Variants in TACC2 observed in about 807,000 individuals in gnomAD.
The protein encoded by TACC2 is transforming acidic coiled-coil-containing protein 2.
Under a neutral mutation model 227.3 loss-of-function variants are expected in TACC2, and 137 were observed. The observed-to-expected ratio is 0.60, with a 90% CI of 0.52 to 0.69. The LOEUF (loss-of-function observed/expected upper bound fraction) is 0.69, where lower values mean the gene tolerates loss of function less well. Among genes scored for constraint, TACC2 ranks in the 30% least tolerant of loss-of-function variants. The probability of loss-of-function intolerance (pLI) is 0.00; values close to 1 mark genes in which losing one functional copy is unlikely to be tolerated. For missense variants in TACC2, 3,470 were observed against 3,694.4 expected, an observed-to-expected ratio of 0.94 and a Z score of 1.57; for synonymous variants, 1,523 against 1,487.5, an observed-to-expected ratio of 1.02 and a Z score of -0.55.
rs749926931 is a variant in TACC2 at position 122,086,657 on chromosome 10, A to G, written c.4157A>G (p.Gln1386Arg). The G allele has an allele frequency of 6.2e-7, 1 of 1,609,948 alleles. No individual in the cohort carries two copies. Among genetic ancestry groups the G allele is most frequent in the Admixed American group, 1.7e-5 (1 of 59,832 alleles). ...GGAGAGCCTTCCCAGGACCCAAAGCAGGGCACATCAGGTGGTGTGGACACA... is the reference window on the plus strand; with the variant it reads ...GGAGAGCCTTCCCAGGACCCAAAGCGGGGCACATCAGGTGGTGTGGACACA... ...RMGEPSQDPK[Q>R]GTSGGVDTSS... is the part of the protein sequence containing the mutation. The change falls in exon 4 of 23, where the codon CAG becomes CGG. Residue 1386 changes from glutamine (Q) to arginine (R), a missense_variant. Gln to Arg is a conservative substitution (Grantham distance 43). Around this residue, in one of 10 missense-constraint regions of TACC2, gnomAD observed 1,924 missense variants for 1,978.3 expected, o/e 0.97. Transcript: ENST00000369005.
rs371332642 is a variant in TACC2 at position 122,086,374 on chromosome 10, G to A, written c.3874G>A (p.Ala1292Thr). ...ASLKLFAGSLAPLLQPGAAGG... is the reference protein window; with the variant it reads ...ASLKLFAGSLTPLLQPGAAGG... ...CTTGAAGCTGTTTGCTGGCTCCCTC[G>A]CCCCCCTGTTGCAACCAGGAGCTGC... Residue 1292 changes from alanine (A) to threonine (T), a missense_variant, in exon 4 of 23, where the codon GCC (alanine) becomes ACC (threonine). Coordinates refer to ENST00000369005, the MANE Select transcript of TACC2 (RefSeq NM_206862.4). 1.1e-5 allele frequency: 17 copies of A among 1,613,406 alleles called. No homozygotes were observed. The highest frequency in any genetic ancestry group is 1.6e-4 in the Middle Eastern group (1 of 6,084).
At chr10:122,114,281 A>G (rs2084221980) in intron 5 of TACC2, among the ~76,000 whole-genome samples, 1 of 152,176 alleles carries the variant, frequency 6.6e-6, no homozygotes, top group Non-Finnish European at 1.5e-5. Flanking sequence ...TATTGAGGCC[A>G]CATTTTAAAA....
intron 5 of TACC2, among the ~76,000 whole-genome samples, chr10:122,101,009 T>G (rs956929531): frequency 1.4e-4 from 21 of 152,146 alleles, no homozygotes; most frequent in African/African-American, 4.8e-4. Flanking sequence ...GGAGTACCCC[T>G]ACCTCCCACC....
At chr10:122,223,579 T>A (rs1265458599) in intron 11 of TACC2, among the ~76,000 whole-genome samples, 2 of 152,192 alleles carry the variant, frequency 1.3e-5, no homozygotes, top group Admixed American at 1.3e-4. Flanking sequence ...GATTTAGAGA[T>A]TCCTGAAAGA....
intron 10 of TACC2, among the ~76,000 whole-genome samples, chr10:122,215,975 A>G (rs2095395958): frequency 6.6e-6 from 1 of 152,200 alleles, no homozygotes. Flanking sequence ...GACCAAGGAA[A>G]GTTATCGTCA....
chr10:122,232,113 G>A (rs2095764159), intron 16 of TACC2, among the ~76,000 whole-genome samples: 1 of 152,242 alleles, frequency 6.6e-6, no homozygotes, highest in Admixed American at 6.5e-5. Flanking sequence ...ACAGATTGGG[G>A]ATGTCCTCGT....
chr10:122,237,553 G>T lies in TACC2; in HGVS notation c.8271+15G>T, dbSNP rs2095880653. 1 of 1,605,160 alleles carries T rather than the reference G, an allele frequency of 6.2e-7. No homozygotes were observed. Among genetic ancestry groups the T allele is most frequent in the Non-Finnish European group, 8.5e-7 (1 of 1,174,676 alleles). Reference sequence around the variant, plus strand: ...CCAGAGCAGAGGTATCGTGGCATGTGGTGTAATTACCCTCTTCCTGCCACT... The same window carrying T: ...CCAGAGCAGAGGTATCGTGGCATGTTGTGTAATTACCCTCTTCCTGCCACT... On this transcript the variant is annotated intron_variant, in intron 17 of 22. Coordinates refer to ENST00000369005, the MANE Select transcript of TACC2 (RefSeq NM_206862.4).
Position 122,194,501 on chromosome 10 carries a change from A to T in TACC2, c.5835-539A>T, listed in dbSNP as rs1418822130. Among the ~76,000 whole-genome samples the T allele has an allele frequency of 2.0e-5, 3 of 152,106 alleles. No homozygotes were observed. Among genetic ancestry groups the T allele is most frequent in the African/African-American group, 7.2e-5 (3 of 41,392 alleles). On this transcript the variant is annotated intron_variant, in intron 7 of 22. Transcript: ENST00000369005. The surrounding 1 kb of genome is among the most constrained non-coding windows in gnomAD (Gnocchi z 4.4). The stretch of plus-strand genomic sequence containing the variant: ...AACACATGTTCATTCCCGGCCCTCC[A>T]CTGTAGGCTTGGAGATACTGTGATA...
At chr10:122,147,330 A>T (rs920792040) in intron 7 of TACC2, among the ~76,000 whole-genome samples, 5 of 152,090 alleles carry the variant, frequency 3.3e-5, no homozygotes, top group Non-Finnish European at 5.9e-5. Context: ...TTTTTAGTGG[A>T]GTCAAGGTTT....
intron 3 of TACC2, among the ~76,000 whole-genome samples, chr10:122,058,598 G>A (rs1033386471): frequency 1.3e-5 from 2 of 152,044 alleles, no homozygotes; most frequent in Non-Finnish European, 2.9e-5. Context: ...TAGTAGAGAC[G>A]GGGTTTCACC....
rs139604387 is a variant in TACC2, at chr10:122,121,200, A to T, written c.5574-11409A>T. On this transcript the variant is annotated intron_variant, in intron 5 of 22. Coordinates refer to ENST00000369005, the MANE Select transcript of TACC2 (RefSeq NM_206862.4). Reference sequence around the variant, plus strand: ...AGGGTCATGTGTACTTTGAAACAGTACATTCTGTATTTTGTGTTTGGGAAA... The same window carrying T: ...AGGGTCATGTGTACTTTGAAACAGTTCATTCTGTATTTTGTGTTTGGGAAA... Among the ~76,000 whole-genome samples, 319 of 152,286 alleles carry T rather than the reference A, an allele frequency of 2.1e-3. 1 individual carries two copies. Among genetic ancestry groups the T allele is most frequent in the African/African-American group, 7.1e-3 (297 of 41,566 alleles).
intron 1 of TACC2, among the ~76,000 whole-genome samples, chr10:122,003,527 T>G (rs769620872): frequency 1.3e-5 from 2 of 152,208 alleles, no homozygotes; most frequent in Admixed American, 6.5e-5. Flanking sequence ...CTGAAAGAGA[T>G]CTGACCTAAC....
intron 3 of TACC2, among the ~76,000 whole-genome samples, chr10:122,073,139 A>G (rs1383357933): frequency 1.9e-5 from 2 of 103,860 alleles, no homozygotes; most frequent in Non-Finnish European, 4.0e-5. Context: ...ATATATATAT[A>G]TATATATATA....
intron 6 of TACC2, among the ~76,000 whole-genome samples, chr10:122,134,473 C>G (rs1441504037): frequency 1.3e-5 from 2 of 152,280 alleles, no homozygotes; most frequent in African/African-American, 4.8e-5. Context: ...GCCACCTCGC[C>G]TGGCCGAGTC....
At chr10:122,204,814 G>C (rs914379196) in intron 8 of TACC2, among the ~76,000 whole-genome samples, 2 of 149,070 alleles carry the variant, frequency 1.3e-5, no homozygotes, top group Non-Finnish European at 2.9e-5. Context: ...GACAGAGTGA[G>C]ACCCTGGCTC....
chr10:122,224,233 G>A (rs1435356566), intron 11 of TACC2, among the ~76,000 whole-genome samples: 11 of 152,166 alleles, frequency 7.2e-5, no homozygotes, highest in Admixed American at 6.5e-4. Context: ...AACCAGCAGC[G>A]CTGAAGGAAC....
intron 22 of TACC2, among the ~76,000 whole-genome samples, chr10:122,250,570 G>A (rs532587310): frequency 2.6e-5 from 4 of 152,298 alleles, no homozygotes; most frequent in Non-Finnish European, 5.9e-5. Context: ...GTGGTTGGTG[G>A]TGGTCTCTAG....
chr10:122,161,187 C>T (rs186620086), intron 7 of TACC2, among the ~76,000 whole-genome samples: 150 of 152,298 alleles, frequency 9.8e-4, no homozygotes, highest in African/African-American at 3.5e-3. Context: ...CCTCCCACCT[C>T]GGCCACCCCA....
intron 1 of TACC2, among the ~76,000 whole-genome samples, chr10:122,010,843 C>T (rs1451666145): frequency 1.3e-5 from 2 of 152,286 alleles, no homozygotes; most frequent in Non-Finnish European, 1.5e-5. Flanking sequence ...TGGTTTAAGA[C>T]AAGAATTTAT....
Sources: allele counts gnomAD v4.1 joint callset (sites outside exome capture counted in the v4.1 genomes callset), GRCh38; gene constraint gnomAD v4.1.1; regional missense constraint gnomAD v4.1.1; non-coding constraint Gnocchi (gnomAD v3.1); transcripts MANE v1.5; gene names NCBI Gene and HGNC (gene_info 2026-07-23, HGNC 2026-07-21).